Variants in ZNF730 observed in about 807,000 individuals in gnomAD.
ZNF730 encodes putative zinc finger protein 730.
Under a neutral mutation model 12.6 loss-of-function variants are expected in ZNF730, and 12 were observed. The observed-to-expected ratio is 0.95, with a 90% CI of 0.61 to 1.54. The LOEUF is 1.54. ZNF730 is among the 40% of genes most tolerant of loss of function. The probability of loss-of-function intolerance (pLI) is 0.00; values close to 1 mark genes in which losing one functional copy is unlikely to be tolerated. For synonymous variants in ZNF730, 194 were observed against 195.8 expected (o/e 0.99, Z 0.08); for missense variants, 643 against 583.5 (o/e 1.10, Z -1.05).
intron 1 of ZNF730, among the ~76,000 whole-genome samples, chr19:23,105,456 A>G (rs1248902645): frequency 1.3e-5 from 2 of 152,016 alleles, no homozygotes; most frequent in Non-Finnish European, 2.9e-5. Flanking sequence ...TTCTTTCTAC[A>G]TGGATTATAT....
chr19:23,140,472 G>A (rs993555947), intron 3 of ZNF730, among the ~76,000 whole-genome samples: 2 of 151,630 alleles, frequency 1.3e-5, no homozygotes, highest in African/African-American at 4.8e-5. Flanking sequence ...TTAGCCGAGT[G>A]TAGTGGCGTG....
chr19:23,085,496 CTTTTTTTTT>C (rs58871710), intron 1 of ZNF730, among the ~76,000 whole-genome samples: 17 of 52,788 alleles, frequency 3.2e-4, no homozygotes, highest in South Asian at 2.0e-3. Context: ...CCATGCCCGT[CTTTTTTTTT>C]TTTTTTTTTT....
In ZNF730 at chr19:23,085,478, A is replaced by G. The variant is rs373958451; in HGVS notation, c.-94+10091A>G. On this transcript the variant is annotated intron_variant, in intron 1 of 2. Coordinates refer to the ZNF730 transcript ENST00000593635. ...CTCCCAAAGTGCTGGGATTACAGGC[A>G]TGAGCCACCATGCCCGTCTTTTTTT... Among the ~76,000 whole-genome samples the G allele has an allele frequency of 5.2e-4, 70 of 135,448 alleles. 2 individuals carry two copies. The South Asian group carries it at 0.016, about 32-fold the overall frequency. 88.9% of individuals were successfully genotyped at this position (135,448 alleles called of 152,430 possible).
At chr19:23,098,390 CAT>C (rs968694264) in intron 1 of ZNF730, 3 of 152,172 alleles carry the variant, frequency 2.0e-5, no homozygotes, top group Admixed American at 2.0e-4. Context: ...AAGATTGTGA[CAT>C]ATCACTGGAA....
chr19:23,085,496 C>CTTTTTTT lies in ZNF730; in HGVS notation c.-94+10134_-94+10140dup, dbSNP rs58871710. Among the ~76,000 whole-genome samples the CTTTTTTT allele has an allele frequency of 3.8e-5, 2 of 52,790 alleles. 1 individual carries two copies. Among genetic ancestry groups the CTTTTTTT allele is most frequent in the African/African-American group, 1.3e-4 (2 of 15,776 alleles). The allele number at this position is 52,790 out of a possible 152,430, so 34.6% of individuals were successfully genotyped here. ...TACAGGCATGAGCCACCATGCCCGTCTTTTTTTTTTTTTTTTTTTTTTTTT... is the reference window on the plus strand; with the variant it reads ...TACAGGCATGAGCCACCATGCCCGTCTTTTTTTTTTTTTTTTTTTTTTTTTTTTTTTT... On this transcript the variant is annotated intron_variant, in intron 1 of 2. Transcript: ENST00000593635.
chr19:23,089,718 T>A (rs1970124084), intron 1 of ZNF730, among the ~76,000 whole-genome samples: 1 of 152,146 alleles, frequency 6.6e-6, no homozygotes, highest in African/African-American at 2.4e-5. Flanking sequence ...TGGTTATGTC[T>A]TTATCAGCAG....
chr19:23,116,573 C>CTTT (rs5827552), upstream of ZNF730, among the ~76,000 whole-genome samples: 484 of 86,894 alleles, frequency 5.6e-3, 19 homozygotes, highest in African/African-American at 0.019. Flanking sequence ...CTCCCAGCTA[C>CTTT]TTTTTTTTTT....
At chr19:23,125,230 C>A (rs915341709) in intron 1 of ZNF730, among the ~76,000 whole-genome samples, 1 of 152,082 alleles carries the variant, frequency 6.6e-6, no homozygotes, top group African/African-American at 2.4e-5. Context: ...AGTGTGAGAA[C>A]AGACTAATAC....
chr19:23,125,048 TA>T (rs761691824), intron 1 of ZNF730, among the ~76,000 whole-genome samples: 95 of 152,284 alleles, frequency 6.2e-4, no homozygotes, highest in Non-Finnish European at 1.0e-3. Flanking sequence ...CTGATGATTT[TA>T]AAAATGGGAG....
chr19:23,135,947 G>A lies in ZNF730; in HGVS notation c.131-1G>A, dbSNP rs774288532. 1.4e-5 allele frequency: 22 copies of A among 1,607,920 alleles called. No individual in the cohort carries two copies. The South Asian group carries it at 2.2e-4, about 16-fold the overall frequency. The stretch of plus-strand genomic sequence containing the variant: ...GATTCATGTTATTTTTCATAAAACA[G>A]GTATTGCTGTCTCAAAGCCAGACCT... On this transcript the variant is annotated splice_acceptor_variant, in intron 2 of 3. Coordinates refer to ENST00000597761, the MANE Select transcript of ZNF730 (RefSeq NM_001277403.2). LOFTEE classifies it high-confidence loss of function.
rs762514346 is a variant in ZNF730 at position 23,145,768 on chromosome 19, C to A, written c.724C>A (p.His242Asn). ...TGGCAAAGCCTTTAACTGGTTTTCA[C>A]ATTTTACTACACATAAGAGAATTCA... The part of the protein sequence containing the change: ...ECGKAFNWFS[H>N]FTTHKRIHTG... Residue 242 changes from histidine to asparagine, a missense_variant, in exon 4 of 4, where the codon CAT becomes AAT. Physicochemically the swap from His to Asn is moderately conservative, Grantham distance 68. Coordinates refer to ENST00000597761, the MANE Select transcript of ZNF730 (RefSeq NM_001277403.2). 6.4e-7 allele frequency: 1 copy of A among 1,571,008 alleles called. No homozygotes were observed. Among genetic ancestry groups the A allele is most frequent in the African/African-American group, 1.4e-5 (1 of 73,202 alleles).
chr19:23,078,221 G>T (rs375589094), intron 1 of ZNF730, among the ~76,000 whole-genome samples: 76 of 152,038 alleles, frequency 5.0e-4, no homozygotes, highest in African/African-American at 1.7e-3. Context: ...GAGATAAGAG[G>T]AAGGCATCTG....
At chr19:23,120,122 G>T (rs1357220799) in intron 1 of ZNF730, among the ~76,000 whole-genome samples, 3 of 151,350 alleles carry the variant, frequency 2.0e-5, no homozygotes, top group Non-Finnish European at 4.4e-5. Flanking sequence ...AGCCTCCCAA[G>T]TAGCCAGGAC....
At chr19:23,115,361 G>A (rs1970506262), upstream of ZNF730, among the ~76,000 whole-genome samples, 1 of 152,178 alleles carries the variant, frequency 6.6e-6, no homozygotes, top group African/African-American at 2.4e-5. Context: ...AAGGCAGAAT[G>A]ATACTAATTG....
intron 1 of ZNF730, among the ~76,000 whole-genome samples, chr19:23,080,098 A>G (rs1453760804): frequency 6.6e-6 from 1 of 152,078 alleles, no homozygotes; most frequent in Non-Finnish European, 1.5e-5. Flanking sequence ...GGCACGCGCC[A>G]CCATGCCCAG....
intron 1 of ZNF730, among the ~76,000 whole-genome samples, chr19:23,104,717 A>C (rs1970372239): frequency 6.6e-6 from 1 of 152,196 alleles, no homozygotes; most frequent in African/African-American, 2.4e-5. Flanking sequence ...CTTTGACTGA[A>C]AGGGTATGCT....
intron 1 of ZNF730, among the ~76,000 whole-genome samples, chr19:23,091,245 A>T (rs1016731797): frequency 6.6e-6 from 1 of 152,208 alleles, no homozygotes; most frequent in Non-Finnish European, 1.5e-5. Context: ...ACCTCCACCT[A>T]GATTTCAGAA....
intron 1 of ZNF730, among the ~76,000 whole-genome samples, chr19:23,122,627 C>A (rs930686257): frequency 1.3e-5 from 2 of 152,162 alleles, no homozygotes; most frequent in Non-Finnish European, 2.9e-5. Flanking sequence ...AAGAACAGTT[C>A]AGTTTATTCA....
At chr19:23,092,318 G>T (rs963559711) in intron 1 of ZNF730, among the ~76,000 whole-genome samples, 3 of 152,078 alleles carry the variant, frequency 2.0e-5, no homozygotes, top group Admixed American at 2.0e-4. Context: ...TTGGTGGCCA[G>T]GTGCTGTGGC....
Sources: allele counts gnomAD v4.1 joint callset (sites outside exome capture counted in the v4.1 genomes callset), GRCh38; gene constraint gnomAD v4.1.1; transcripts MANE v1.5; gene names NCBI Gene and HGNC (gene_info 2026-07-23, HGNC 2026-07-21).